The following FHIT variants were observed in gnomAD, a reference collection of about 807,000 sequenced individuals.
FHIT encodes the protein fragile histidine triad diadenosine triphosphatase.
Under a neutral mutation model 17.9 loss-of-function variants are expected in FHIT, and 19 were observed. That is an observed-to-expected ratio of 1.06 (90% CI 0.74 to 1.56). The LOEUF is 1.56. FHIT is among the 40% of genes most tolerant of loss of function. The pLI is 0.00. For missense variants in FHIT, 248 were observed against 189.2 expected, an observed-to-expected ratio of 1.31 and a Z score of -1.82; for synonymous variants, 81 against 69.7, an observed-to-expected ratio of 1.16 and a Z score of -0.81.
intron 5 of FHIT, among the ~76,000 whole-genome samples, chr3:60,276,893 C>G (rs147948031): frequency 1.2e-3 from 184 of 152,248 alleles, no homozygotes; most frequent in African/African-American, 4.3e-3. Flanking sequence ...AACAAACTCA[C>G]TCATTACTGC....
rs1472920895 is a variant in FHIT at position 60,017,357 on chromosome 3, G to GA, written c.104-3206dup. The stretch of plus-strand genomic sequence containing the variant: ...GAGAATCGTAAGATCAAAAAGGGGG[G>GA]AGAGTACCAGCTTGCCTGAACTGGA... On this transcript the variant is annotated intron_variant, in intron 5 of 9. Transcript: ENST00000492590. 3.9e-5 allele frequency among the ~76,000 whole-genome samples: 6 copies of GA among 152,334 alleles called. No individual in the cohort carries two copies. In the East Asian group the frequency reaches 7.7e-4, roughly 20 times the overall value.
chr3:60,403,061 A>G (rs1399292939), intron 5 of FHIT, among the ~76,000 whole-genome samples: 2 of 152,160 alleles, frequency 1.3e-5, no homozygotes, highest in Non-Finnish European at 2.9e-5. Context: ...TGAATAATAC[A>G]CTCTAGTCTA....
chr3:60,827,238 C>T (rs1455672965), intron 3 of FHIT, among the ~76,000 whole-genome samples: 25 of 152,086 alleles, frequency 1.6e-4, no homozygotes, highest in Admixed American at 1.5e-3. Flanking sequence ...CCTCCTGGGT[C>T]AATATTGTAT....
intron 5 of FHIT, among the ~76,000 whole-genome samples, chr3:60,442,139 C>T (rs979833892): frequency 1.3e-5 from 2 of 151,842 alleles, no homozygotes; most frequent in Admixed American, 6.6e-5. Flanking sequence ...GGATTGCAGG[C>T]ATAAGCCACC....
At chr3:60,460,106 A>C (rs974339216) in intron 5 of FHIT, among the ~76,000 whole-genome samples, 1 of 152,102 alleles carries the variant, frequency 6.6e-6, no homozygotes, top group African/African-American at 2.4e-5. Flanking sequence ...TGGCATATTC[A>C]CATATCAAAA....
intron 3 of FHIT, among the ~76,000 whole-genome samples, chr3:60,882,554 C>T (rs527862928): frequency 1.9e-4 from 29 of 152,148 alleles, no homozygotes; most frequent in African/African-American, 4.8e-4. Context: ...GATGCAAGGA[C>T]GGTTCAACAT....
At chr3:60,952,805 C>T (rs1553777621) in intron 3 of FHIT, among the ~76,000 whole-genome samples, 1 of 152,162 alleles carries the variant, frequency 6.6e-6, no homozygotes, top group Non-Finnish European at 1.5e-5. Context: ...TAAAATAATT[C>T]TTATCTTCCT....
chr3:60,332,504 A>G (rs1338672739), intron 5 of FHIT, among the ~76,000 whole-genome samples: 2 of 152,194 alleles, frequency 1.3e-5, no homozygotes, highest in East Asian at 3.9e-4. Context: ...AAATAGACAA[A>G]CTAGCTGGAT....
chr3:59,757,516 G>A (rs770208095), intron 8 of FHIT, among the ~76,000 whole-genome samples: 12 of 152,136 alleles, frequency 7.9e-5, no homozygotes, highest in African/African-American at 1.7e-4. Context: ...TGCTCAAACC[G>A]CCTTTGCTAT....
At chr3:60,494,515 A>G (rs567518616) in intron 5 of FHIT, among the ~76,000 whole-genome samples, 1 of 152,176 alleles carries the variant, frequency 6.6e-6, no homozygotes, top group African/African-American at 2.4e-5. Context: ...CAATTAAATC[A>G]TTATTGACTA....
Position 60,996,161 on chromosome 3 carries a change from G to A in FHIT, c.-111+45886C>T, listed in dbSNP as rs368994683. Reference sequence around the variant, plus strand: ...TACAGGTCTTGAGTTGCTGTTTATTGCTAATTCGAAGTTGGCAAGTTATTT... The same window carrying A: ...TACAGGTCTTGAGTTGCTGTTTATTACTAATTCGAAGTTGGCAAGTTATTT... On this transcript the variant is annotated intron_variant, in intron 3 of 9. Coordinates refer to ENST00000492590, the MANE Select transcript of FHIT (RefSeq NM_002012.4). Among the ~76,000 whole-genome samples the A allele has an allele frequency of 2.0e-5, 3 of 152,156 alleles. No homozygotes were observed. In the East Asian group the frequency reaches 5.8e-4, roughly 29 times the overall value.
At chr3:60,455,747 C>T (rs976217802) in intron 5 of FHIT, among the ~76,000 whole-genome samples, 3 of 151,968 alleles carry the variant, frequency 2.0e-5, no homozygotes, top group Non-Finnish European at 4.4e-5. Flanking sequence ...AATGACTTCC[C>T]TGCTTGATTT....
At chr3:59,978,287 T>C (rs1708500718) in intron 7 of FHIT, among the ~76,000 whole-genome samples, 1 of 152,116 alleles carries the variant, frequency 6.6e-6, no homozygotes, top group Non-Finnish European at 1.5e-5. Flanking sequence ...CAAGAAGGCC[T>C]GTCATAAAGC....
intron 3 of FHIT, among the ~76,000 whole-genome samples, chr3:60,954,832 G>GCAGA (rs1553778251): frequency 6.6e-6 from 1 of 152,142 alleles, no homozygotes; most frequent in African/African-American, 2.4e-5. Context: ...AATACCCAAG[G>GCAGA]CAGACATCCA....
chr3:60,445,461 TATAAAA>T, intron 5 of FHIT, among the ~76,000 whole-genome samples: 1 of 149,998 alleles, frequency 6.7e-6, no homozygotes, highest in East Asian at 1.9e-4. Context: ...TATCCACTTT[TATAAAA>T]AGAAGAAGAA....
intron 3 of FHIT, among the ~76,000 whole-genome samples, chr3:60,863,972 A>G (rs1553753273): frequency 6.6e-6 from 1 of 152,168 alleles, no homozygotes; most frequent in African/African-American, 2.4e-5. Flanking sequence ...TATAAAGAAA[A>G]AGAAGTTTAA....
Position 60,138,205 on chromosome 3 carries a change from G to A in FHIT, c.104-124053C>T, listed in dbSNP as rs563242958. Among the ~76,000 whole-genome samples, 3 of 152,242 alleles carry A rather than the reference G, an allele frequency of 2.0e-5. No homozygotes were observed. In the South Asian group the frequency reaches 6.2e-4, roughly 32 times the overall value. Reference sequence around the variant, plus strand: ...TAACATGACGCAAAGGAAGTCAGAAGTTGCAAAACTCTGAGTTAGATAATT... The same window carrying A: ...TAACATGACGCAAAGGAAGTCAGAAATTGCAAAACTCTGAGTTAGATAATT... On this transcript the variant is annotated intron_variant, in intron 5 of 9. Coordinates refer to ENST00000492590, the MANE Select transcript of FHIT (RefSeq NM_002012.4).
At chr3:61,063,915 A>T (rs1291056669) in intron 2 of FHIT, among the ~76,000 whole-genome samples, 1 of 152,226 alleles carries the variant, frequency 6.6e-6, no homozygotes, top group Admixed American at 6.5e-5. Context: ...TGACCTCCAC[A>T]CATAAGCATT....
chr3:61,096,918 C>T (rs1276556262), intron 2 of FHIT, among the ~76,000 whole-genome samples: 1 of 152,048 alleles, frequency 6.6e-6, no homozygotes, highest in Non-Finnish European at 1.5e-5. Flanking sequence ...CAAGACCAGC[C>T]TGGCCAACAT....
Sources: gnomAD v4.1 joint callset for allele counts (sites outside exome capture counted in the v4.1 genomes callset) on GRCh38, gnomAD v4.1.1 for gene constraint, MANE v1.5 for transcripts, NCBI Gene and HGNC (gene_info 2026-07-23, HGNC 2026-07-21) for gene names.